CTNNA2: variants seen among roughly 807,000 people sequenced by gnomAD.
CTNNA2 encodes the protein catenin alpha-2.
CTNNA2 carries 42 observed loss-of-function variants against 101.0 expected under a neutral mutation model. The observed-to-expected ratio is 0.42, with a 90% CI of 0.32 to 0.54. The LOEUF (loss-of-function observed/expected upper bound fraction) is 0.54, where lower values mean the gene tolerates loss of function less well. Ranked by LOEUF, CTNNA2 falls within the 20% of genes least tolerant of loss-of-function variation. The pLI, the probability that CTNNA2 is intolerant of heterozygous loss-of-function variation, is 0.14. For synonymous variants in CTNNA2, 450 were observed against 456.4 expected (o/e 0.99, Z 0.18); for missense variants, 871 against 1,223.1 (o/e 0.71, Z 4.29).
intron 17 of CTNNA2, among the ~76,000 whole-genome samples, chr2:80,609,485 T>C (rs1157934618): frequency 6.6e-6 from 1 of 151,658 alleles, no homozygotes; most frequent in African/African-American, 2.4e-5. Context: ...GTCACCTCTT[T>C]GCATTTCCAA....
intron 4 of CTNNA2, among the ~76,000 whole-genome samples, chr2:79,463,306 G>A (rs1447426024): frequency 6.6e-6 from 1 of 151,440 alleles, no homozygotes; most frequent in East Asian, 2.0e-4. Flanking sequence ...TACTCGGGAG[G>A]CTGAGGCAGG....
At chr2:80,136,024 G>A (rs1702675209) in intron 7 of CTNNA2, among the ~76,000 whole-genome samples, 1 of 152,158 alleles carries the variant, frequency 6.6e-6, no homozygotes, top group Non-Finnish European at 1.5e-5. Context: ...CTGCCTTAGT[G>A]TGAGATACTA....
intron 7 of CTNNA2, among the ~76,000 whole-genome samples, chr2:79,914,870 G>T (rs1686076906): frequency 6.6e-6 from 1 of 151,898 alleles, no homozygotes; most frequent in African/African-American, 2.4e-5. Flanking sequence ...AAAAGCACAT[G>T]AAGACATATT....
chr2:80,000,561 C>T (rs482602), intron 7 of CTNNA2, among the ~76,000 whole-genome samples: 26,219 of 152,076 alleles, frequency 0.17, 2,431 homozygotes, highest in Admixed American at 0.22. Flanking sequence ...CCTTCACTGC[C>T]AGCCACTTCC....
chr2:79,322,309 C>T (rs1253883576), intron 3 of CTNNA2, among the ~76,000 whole-genome samples: 12 of 152,138 alleles, frequency 7.9e-5, no homozygotes, highest in Admixed American at 4.6e-4. Flanking sequence ...GTTTCATTGT[C>T]TTGCCATTGT....
At chr2:79,454,548 C>A (rs1421597540) in intron 4 of CTNNA2, among the ~76,000 whole-genome samples, 1 of 152,148 alleles carries the variant, frequency 6.6e-6, no homozygotes. Flanking sequence ...GGAAATAACC[C>A]TGCTCTGGAA....
At chr2:79,221,904 C>T (rs1215025280) in intron 2 of CTNNA2, among the ~76,000 whole-genome samples, 3 of 152,094 alleles carry the variant, frequency 2.0e-5, no homozygotes, top group East Asian at 1.9e-4. Flanking sequence ...TGGAAGATAA[C>T]GGCTCTCAGA....
At chr2:79,439,421 A>T (rs1678754125) in intron 4 of CTNNA2, among the ~76,000 whole-genome samples, 1 of 152,322 alleles carries the variant, frequency 6.6e-6, no homozygotes, top group African/African-American at 2.4e-5. Context: ...AGAAGACAGG[A>T]GAATGGTGTC....
intron 7 of CTNNA2, among the ~76,000 whole-genome samples, chr2:80,264,610 T>G (rs1672867547): frequency 6.6e-6 from 1 of 152,184 alleles, no homozygotes; most frequent in South Asian, 2.1e-4. Context: ...CAGGCTTAGC[T>G]TAGCCTAAAA....
rs1027054344 is a variant in CTNNA2 at position 79,470,316 on chromosome 2, A to T, written c.-134-34738A>T. Among the ~76,000 whole-genome samples the T allele has an allele frequency of 4.6e-5, 7 of 152,236 alleles. No homozygotes were observed. In the East Asian group the frequency reaches 1.4e-3, roughly 30 times the overall value. On this transcript the variant is annotated intron_variant, in intron 4 of 21. Transcript: ENST00000466387. Reference sequence around the variant, plus strand: ...CCAGGAGTTTAAGTCCAGCCTGGGTAAGAAAACAATGCCCTGTCTCTAAAA... The same window carrying T: ...CCAGGAGTTTAAGTCCAGCCTGGGTTAGAAAACAATGCCCTGTCTCTAAAA...
chr2:80,603,981 T>C, intron 15 of CTNNA2, 93 bp from the exon 16 acceptor site: 2 of 1,056,100 alleles, frequency 1.9e-6, no homozygotes, highest in South Asian at 3.0e-5. Context: ...CCAAATAAAA[T>C]ACAACACTAG....
At chr2:80,591,183 CAT>C (rs1267312110) in intron 15 of CTNNA2, among the ~76,000 whole-genome samples, 1 of 152,086 alleles carries the variant, frequency 6.6e-6, no homozygotes, top group Non-Finnish European at 1.5e-5. Context: ...AAATAAGACA[CAT>C]GTCTGTTAGT....
At chr2:79,845,329 C>G (rs1255255851) in intron 3 of CTNNA2, among the ~76,000 whole-genome samples, 1 of 151,646 alleles carries the variant, frequency 6.6e-6, no homozygotes, top group Non-Finnish European at 1.5e-5. Context: ...TATCTAGGAC[C>G]TAGAAAGTGT....
chr2:80,496,339 A>G (rs1687464476), intron 9 of CTNNA2, among the ~76,000 whole-genome samples: 1 of 151,996 alleles, frequency 6.6e-6, no homozygotes, highest in Non-Finnish European at 1.5e-5. Context: ...TGTGTTATAC[A>G]CATATAATGC....
At chr2:79,983,125 T>C (rs1691504969) in intron 7 of CTNNA2, among the ~76,000 whole-genome samples, 1 of 149,510 alleles carries the variant, frequency 6.7e-6, no homozygotes, top group Admixed American at 6.7e-5. Context: ...CAGTTTTATA[T>C]ATATATGTGT....
At chr2:79,888,309 C>T (rs1357645661) in intron 6 of CTNNA2, among the ~76,000 whole-genome samples, 1 of 152,192 alleles carries the variant, frequency 6.6e-6, no homozygotes, top group African/African-American at 2.4e-5. Context: ...GCTTCCTGAG[C>T]TATACCGCTT....
chr2:80,327,981 A>G (rs894390965), intron 7 of CTNNA2, among the ~76,000 whole-genome samples: 12 of 152,108 alleles, frequency 7.9e-5, no homozygotes, highest in African/African-American at 1.9e-4. Context: ...CACAATTCGG[A>G]TGCCTGGAAA....
Position 80,007,393 on chromosome 2 carries a change from G to C in CTNNA2, c.1056+97596G>C, listed in dbSNP as rs539530077. On this transcript the variant is annotated intron_variant, in intron 7 of 18. Transcript: ENST00000402739. The stretch of plus-strand genomic sequence containing the variant: ...TAAATATCTACATATTTATCCATGA[G>C]AAGAAACAGGATATGAGTTTACATG... Among the ~76,000 whole-genome samples the C allele has an allele frequency of 2.6e-5, 4 of 152,204 alleles. No homozygotes were observed. The East Asian group carries it at 7.7e-4, about 29-fold the overall frequency.
chr2:79,299,332 T>C (rs944965415), intron 2 of CTNNA2, among the ~76,000 whole-genome samples: 1 of 152,218 alleles, frequency 6.6e-6, no homozygotes, highest in Non-Finnish European at 1.5e-5. Context: ...TTGTTTAACC[T>C]GTCAGCATTA....
Sources: allele counts gnomAD v4.1 joint callset (sites outside exome capture counted in the v4.1 genomes callset), GRCh38; gene constraint gnomAD v4.1.1; transcripts MANE v1.5; gene names NCBI Gene and HGNC (gene_info 2026-07-23, HGNC 2026-07-21).